Variants in SLC16A12 observed in about 807,000 individuals in gnomAD.
The protein encoded by SLC16A12 is solute carrier family 16 member 12.
Under a neutral mutation model 42.4 loss-of-function variants are expected in SLC16A12, and 17 were observed. The ratio of observed to expected loss-of-function variants is 0.40; its 90% CI spans 0.27 to 0.60. SLC16A12 has a LOEUF of 0.60. Among genes scored for constraint, SLC16A12 ranks in the 20% least tolerant of loss-of-function variants. The pLI is 0.42. For missense variants in SLC16A12, 544 were observed against 623.0 expected (o/e 0.87, Z 1.35); for synonymous variants, 224 against 229.4 (o/e 0.98, Z 0.21).
chr10:89,510,147 T>C (rs1008619623), intron 2 of SLC16A12, among the ~76,000 whole-genome samples: 1 of 152,106 alleles, frequency 6.6e-6, no homozygotes, highest in Non-Finnish European at 1.5e-5. Context: ...ATCGTGAAAA[T>C]GGCCATACAG....
chr10:89,474,788 T>G (rs1000184741), intron 2 of SLC16A12, among the ~76,000 whole-genome samples: 1 of 152,204 alleles, frequency 6.6e-6, no homozygotes, highest in Non-Finnish European at 1.5e-5. Context: ...CACTGCTACA[T>G]ATATGTTATT....
rs576759554 is a variant in SLC16A12, at chr10:89,431,802, C to G, written c.*1262G>C. The G allele has an allele frequency of 6.6e-6, 1 of 152,328 alleles. No homozygotes were observed. The highest frequency in any genetic ancestry group is 2.1e-4 in the South Asian group (1 of 4,826). The allele number at this position is 152,328 out of a possible 1,614,324, so 9.4% of individuals were successfully genotyped here. A position where few individuals can be genotyped will look rare whatever the true frequency, so the allele number is the denominator to read the frequency against. On this transcript the variant is annotated 3_prime_UTR_variant, in exon 8 of 8. Transcript: ENST00000371790. ...TCCCTCCATGCCTTCCCTCTTCAATCTGAAGACTCAGAAATTATCCCAAAC... is the reference window on the plus strand; with the variant it reads ...TCCCTCCATGCCTTCCCTCTTCAATGTGAAGACTCAGAAATTATCCCAAAC...
chr10:89,442,741 A>C (rs971558686), intron 4 of SLC16A12, among the ~76,000 whole-genome samples: 3 of 152,226 alleles, frequency 2.0e-5, no homozygotes, highest in African/African-American at 7.2e-5. Context: ...CCTCCCAACC[A>C]AACAAATATT....
chr10:89,439,129 A>C lies in SLC16A12; in HGVS notation c.503T>G (p.Phe168Cys), dbSNP rs1224864643. Residue 168 changes from phenylalanine to cysteine, a missense_variant, in exon 6 of 8, where the codon TTC (phenylalanine) becomes TGC (cysteine). Phe to Cys is a radical substitution (Grantham distance 205, BLOSUM62 -2). Coordinates refer to ENST00000371790, the MANE Select transcript of SLC16A12 (RefSeq NM_213606.4). ...ATAAGCAAGGGCTTTCCGTCTGCTG[A>C]AGTACTTGCCAACCATGGCAATAGC... ...SPAIAMVGKY[F>C]SRRKALAYGI... 1 of 1,613,968 alleles carries C rather than the reference A, an allele frequency of 6.2e-7. No homozygotes were observed. Among genetic ancestry groups the C allele is most frequent in the Non-Finnish European group, 8.5e-7 (1 of 1,180,004 alleles).
chr10:89,529,894 T>C (rs1843516364), intron 2 of SLC16A12, among the ~76,000 whole-genome samples: 1 of 152,090 alleles, frequency 6.6e-6, no homozygotes, highest in Non-Finnish European at 1.5e-5. Context: ...AAGAGGCTCA[T>C]AGACATGGAA....
intron 2 of SLC16A12, among the ~76,000 whole-genome samples, chr10:89,489,269 T>C (rs575953140): frequency 6.6e-6 from 1 of 152,320 alleles, no homozygotes; most frequent in African/African-American, 2.4e-5. Flanking sequence ...ATTCACCTTC[T>C]TGGAGATTGG....
intron 3 of SLC16A12, among the ~76,000 whole-genome samples, chr10:89,454,971 G>A (rs1305348878): frequency 1.3e-5 from 2 of 152,166 alleles, no homozygotes; most frequent in Non-Finnish European, 1.5e-5. Flanking sequence ...AGGAAGGAAG[G>A]AAAGGAGGAA....
At chr10:89,483,835 A>C (rs1251344059) in intron 2 of SLC16A12, among the ~76,000 whole-genome samples, 1 of 151,638 alleles carries the variant, frequency 6.6e-6, no homozygotes, top group African/African-American at 2.4e-5. Context: ...GCCTGTTCTT[A>C]GTGCTTTTTA....
intron 2 of SLC16A12, among the ~76,000 whole-genome samples, chr10:89,529,064 T>A (rs1034723060): frequency 6.6e-6 from 1 of 152,220 alleles, no homozygotes; most frequent in African/African-American, 2.4e-5. Flanking sequence ...GGTTGAACTA[T>A]CACTGCCTGA....
intron 2 of SLC16A12, 38 bp from the exon 3 acceptor site, chr10:89,462,662 C>T: frequency 6.6e-7 from 1 of 1,506,562 alleles, no homozygotes; most frequent in Non-Finnish European, 8.8e-7. Flanking sequence ...TATCTTATTG[C>T]TATGTCCAAA....
intron 6 of SLC16A12, among the ~76,000 whole-genome samples, chr10:89,437,417 A>T (rs1168256427): frequency 6.6e-6 from 1 of 152,182 alleles, no homozygotes; most frequent in Non-Finnish European, 1.5e-5. Flanking sequence ...CAACAGGCAA[A>T]TATTGCACTG....
At chr10:89,441,288 C>T (rs764079192) in intron 4 of SLC16A12, 37 bp from the exon 5 acceptor site, 2 of 1,612,886 alleles carry the variant, frequency 1.2e-6, no homozygotes, top group Non-Finnish European at 8.5e-7. Flanking sequence ...AACAGAAAGG[C>T]CTTGAGGGCA....
chr10:89,451,825 A>G lies in SLC16A12; in HGVS notation c.201-7966T>C, dbSNP rs558696182. ...TGATGCACCATTCACACATAGTGTTAGAGATGTCCCATAAGCACAGTGTTC... is the reference window on the plus strand; with the variant it reads ...TGATGCACCATTCACACATAGTGTTGGAGATGTCCCATAAGCACAGTGTTC... On this transcript the variant is annotated intron_variant, in intron 3 of 7. Coordinates refer to ENST00000371790, the MANE Select transcript of SLC16A12 (RefSeq NM_213606.4). Among the ~76,000 whole-genome samples, 99 of 152,334 alleles carry G rather than the reference A, an allele frequency of 6.5e-4. 1 individual carries two copies. The highest frequency in any genetic ancestry group is 3.5e-3 in the South Asian group (17 of 4,826).
At chr10:89,434,538 A>G (rs1159118038) in intron 7 of SLC16A12, among the ~76,000 whole-genome samples, 1 of 152,186 alleles carries the variant, frequency 6.6e-6, no homozygotes, top group African/African-American at 2.4e-5. Flanking sequence ...GGGTTTTGTC[A>G]TCTGCACCAC....
At chr10:89,514,838 C>T (rs1330907410) in intron 2 of SLC16A12, among the ~76,000 whole-genome samples, 1 of 152,192 alleles carries the variant, frequency 6.6e-6, no homozygotes, top group African/African-American at 2.4e-5. Context: ...TGCCTGTAAT[C>T]CCAGCACTTT....
intron 2 of SLC16A12, among the ~76,000 whole-genome samples, chr10:89,479,779 C>A (rs907420546): frequency 6.6e-6 from 1 of 152,074 alleles, no homozygotes; most frequent in South Asian, 2.1e-4. Context: ...CTCCATGAGC[C>A]TTACATAAGG....
chr10:89,548,515 TAAA>T (rs565213606), intron 2 of SLC16A12, among the ~76,000 whole-genome samples: 1 of 145,962 alleles, frequency 6.9e-6, no homozygotes, highest in Non-Finnish European at 1.5e-5. Context: ...GTAGGAGAAA[TAAA>T]AAAAAAACGC....
At chr10:89,505,308 G>A (rs938449585) in intron 2 of SLC16A12, among the ~76,000 whole-genome samples, 10 of 151,992 alleles carry the variant, frequency 6.6e-5, no homozygotes, top group Non-Finnish European at 8.8e-5. Flanking sequence ...CCAGCTACTC[G>A]GGAGGCTGAG....
intron 2 of SLC16A12, among the ~76,000 whole-genome samples, chr10:89,500,651 G>T (rs1271909767): frequency 6.6e-6 from 1 of 152,106 alleles, no homozygotes; most frequent in African/African-American, 2.4e-5. Flanking sequence ...ATTCCTCAAT[G>T]TAATAAAATC....
Sources: gnomAD v4.1 joint callset for allele counts (sites outside exome capture counted in the v4.1 genomes callset) on GRCh38, gnomAD v4.1.1 for gene constraint, MANE v1.5 for transcripts, NCBI Gene and HGNC (gene_info 2026-07-23, HGNC 2026-07-21) for gene names.